Variants in RAF1 observed in about 807,000 individuals in gnomAD.
RAF1 encodes the protein RAF proto-oncogene serine/threonine-protein kinase.
Under a neutral mutation model 81.1 loss-of-function variants are expected in RAF1, and 27 were observed. The ratio of observed to expected loss-of-function variants is 0.33; its 90% CI spans 0.25 to 0.46. RAF1 has a LOEUF of 0.46. RAF1 is among the 20% of genes least tolerant of loss of function. RAF1 has a pLI of 1.00. For missense variants in RAF1, 598 were observed against 826.0 expected, an observed-to-expected ratio of 0.72 and a Z score of 3.38; for synonymous variants, 298 against 294.0, an observed-to-expected ratio of 1.01 and a Z score of -0.14.
intron 1 of RAF1, among the ~76,000 whole-genome samples, chr3:12,620,627 T>C (rs1003201950): frequency 3.3e-5 from 5 of 152,070 alleles, no homozygotes; most frequent in African/African-American, 1.2e-4. Flanking sequence ...TGCATCACCA[T>C]GCCCAGCTAA....
intron 1 of RAF1, among the ~76,000 whole-genome samples, chr3:12,652,215 C>CA (rs2060554437): frequency 6.6e-6 from 1 of 150,906 alleles, no homozygotes; most frequent in East Asian, 2.0e-4. Flanking sequence ...GACTCCATCT[C>CA]AAAAAAACAA....
Position 12,606,278 on chromosome 3 carries a change from A to G in RAF1, c.603T>C (p.Ile201=), listed in dbSNP as rs1179333878. ...GTAGTGCTGGGACTCCACTATCACC[A>G]ATAGTGGAATTTGGAAACAATCTAA... Residue 201 remains isoleucine (I), a synonymous_variant, in exon 6 of 18, where the codon ATT becomes ATC. Transcript: ENST00000442415. The G allele has an allele frequency of 6.2e-6, 10 of 1,611,492 alleles. No individual in the cohort carries two copies. Among genetic ancestry groups the G allele is most frequent in the South Asian group, 1.1e-5 (1 of 91,044 alleles).
rs1553610554 is a variant in RAF1, at chr3:12,587,854, T to TTTTTTTTTTTTTTTG, written c.1431-218_1431-217insCAAAAAAAAAAAAAA. 2.8e-5 allele frequency: 12 copies of TTTTTTTTTTTTTTTG among 432,524 alleles called. 1 individual carries two copies. The highest frequency in any genetic ancestry group is 2.4e-4 in the African/African-American group (11 of 46,012). The allele number at this position is 432,524 out of a possible 1,614,324, so 26.8% of individuals were successfully genotyped here. A position where few individuals can be genotyped will look rare whatever the true frequency, so the allele number is the denominator to read the frequency against. ...GCTTACACCTTTTTTTTTTTTTTTT[T>TTTTTTTTTTTTTTTG]GGAGACTGGAGTGCAGTCAATAGCT... On this transcript the variant is annotated intron_variant, in intron 13 of 17. Coordinates refer to ENST00000442415, the MANE Select transcript of RAF1 (RefSeq NM_001354689.3).
intron 8 of RAF1, among the ~76,000 whole-genome samples, chr3:12,600,671 C>T (rs919009517): frequency 6.6e-6 from 1 of 152,196 alleles, no homozygotes; most frequent in Admixed American, 6.5e-5. Flanking sequence ...AAGCAATTCT[C>T]CTGCCTCAGT....
At chr3:12,630,287 T>C (rs960776515) in intron 1 of RAF1, among the ~76,000 whole-genome samples, 1 of 152,188 alleles carries the variant, frequency 6.6e-6, no homozygotes, top group African/African-American at 2.4e-5. Context: ...ATTGCTTACC[T>C]TTCCCATATA....
At chr3:12,605,697 GAC>G (rs1401932114) in intron 6 of RAF1, among the ~76,000 whole-genome samples, 1 of 152,144 alleles carries the variant, frequency 6.6e-6, no homozygotes, top group African/African-American at 2.4e-5. Context: ...AGTAAAGAAA[GAC>G]AAGTTATATG....
intron 1 of RAF1, among the ~76,000 whole-genome samples, chr3:12,651,521 C>G (rs1313230763): frequency 1.3e-5 from 2 of 151,910 alleles, no homozygotes; most frequent in Non-Finnish European, 2.9e-5. Context: ...ATAGTCCCAG[C>G]TACTCGGGAG....
Position 12,618,655 on chromosome 3 carries a change from C to T in RAF1, c.67G>A (p.Asp23Asn), listed in dbSNP as rs2059451949. The change falls in exon 2 of 18, where the codon GAT becomes AAT. Residue 23 changes from aspartate (D) to asparagine (N), a missense_variant. Asp to Asn is a conservative substitution (Grantham distance 23). Around this residue, in one of 5 missense-constraint regions of RAF1, gnomAD observed 83 missense variants for 72.3 expected, o/e 1.15. Transcript: ENST00000442415. ...GTAGGAGAGATGCAGCTGGAGCCAT[C>T]AAACACGGCATCTTTGAATCCAAAA... 5 of 1,614,092 alleles carry T rather than the reference C, an allele frequency of 3.1e-6. No individual in the cohort carries two copies. The highest frequency in any genetic ancestry group is 4.2e-6 in the Non-Finnish European group (5 of 1,180,058).
Position 12,618,687 on chromosome 3 carries a change from C to T in RAF1, c.35G>A (p.Ser12Asn). 1 of 1,614,202 alleles carries T rather than the reference C, an allele frequency of 6.2e-7. No homozygotes were observed. The highest frequency in any genetic ancestry group is 8.5e-7 in the Non-Finnish European group (1 of 1,180,042). The change falls in exon 2 of 18, where the codon AGC (serine) becomes AAC (asparagine). Residue 12 changes from serine to asparagine, a missense_variant. Coordinates refer to ENST00000442415, the MANE Select transcript of RAF1 (RefSeq NM_001354689.3). The stretch of plus-strand genomic sequence containing the variant: ...GGCATCTTTGAATCCAAAACCATTG[C>T]TGATCGTCTTCCAAGCTCCCTGTAT...
chr3:12,620,995 T>C (rs1243495748), intron 1 of RAF1, among the ~76,000 whole-genome samples: 2 of 151,960 alleles, frequency 1.3e-5, no homozygotes, highest in East Asian at 1.9e-4. Context: ...GGGGGTAGGG[T>C]TTCCTCCTTT....
At chr3:12,662,591 T>G (rs2125597623) in intron 1 of RAF1, among the ~76,000 whole-genome samples, 1 of 152,046 alleles carries the variant, frequency 6.6e-6, no homozygotes, top group South Asian at 2.1e-4. Context: ...TATTTTACTC[T>G]CATCTCTCAC....
intron 1 of RAF1, among the ~76,000 whole-genome samples, chr3:12,654,307 A>C (rs1043476004): frequency 2.6e-5 from 4 of 151,994 alleles, no homozygotes; most frequent in Admixed American, 2.6e-4. Context: ...TTATAGAATA[A>C]AAAAGTATGA....
chr3:12,627,336 C>A (rs2059733618), intron 1 of RAF1, among the ~76,000 whole-genome samples: 1 of 152,188 alleles, frequency 6.6e-6, no homozygotes, highest in African/African-American at 2.4e-5. Flanking sequence ...CTGACTTCCC[C>A]TGGTCACCCC....
At position 12,656,770 on chromosome 3, in the gene RAF1, G is replaced by A. The variant is rs375112034; in HGVS notation, c.-27+7043C>T. 1.2e-4 allele frequency among the ~76,000 whole-genome samples: 19 copies of A among 152,294 alleles called. 2 individuals carry two copies. The highest frequency in any genetic ancestry group is 2.6e-4 in the Admixed American group (4 of 15,292). ...CCAGCATTCTGGGAGGCTGAGACAGGTGGATCATCTGCAGTCAGGAGTTCA... is the reference window on the plus strand; with the variant it reads ...CCAGCATTCTGGGAGGCTGAGACAGATGGATCATCTGCAGTCAGGAGTTCA... On this transcript the variant is annotated intron_variant, in intron 1 of 17. Coordinates refer to ENST00000442415, the MANE Select transcript of RAF1 (RefSeq NM_001354689.3).
At chr3:12,650,239 G>C (rs1482674284) in intron 1 of RAF1, among the ~76,000 whole-genome samples, 1 of 149,384 alleles carries the variant, frequency 6.7e-6, no homozygotes, top group African/African-American at 2.4e-5. Flanking sequence ...TAGAAGGATT[G>C]TCTGAGCCCA....
At position 12,627,226 on chromosome 3, in the gene RAF1, A is replaced by G. The variant is rs148971894; in HGVS notation, c.-26-8479T>C. ...TAATTTATCATGATATCTAAACCAT[A>G]CAAATTATTTCAGAAGCCTACAATT... On this transcript the variant is annotated intron_variant, in intron 1 of 17. Transcript: ENST00000442415. Among the ~76,000 whole-genome samples, 3 of 152,242 alleles carry G rather than the reference A, an allele frequency of 2.0e-5. No homozygotes were observed. The East Asian group carries it at 5.8e-4, about 29-fold the overall frequency.
chr3:12,659,161 A>G (rs1575690187), intron 1 of RAF1, among the ~76,000 whole-genome samples: 1 of 152,038 alleles, frequency 6.6e-6, no homozygotes, highest in Admixed American at 6.6e-5. Context: ...AAGATGCCTG[A>G]GCGAGCCTGT....
chr3:12,609,765 A>T (rs2125422778), intron 3 of RAF1, among the ~76,000 whole-genome samples: 1 of 152,324 alleles, frequency 6.6e-6, no homozygotes, highest in African/African-American at 2.4e-5. Flanking sequence ...ACAGGTGTGA[A>T]CCACCATGTC....
At chr3:12,591,010 G>A in intron 12 of RAF1, 36 bp from the exon 12 acceptor site, 1 of 1,560,582 alleles carries the variant, frequency 6.4e-7, no homozygotes, top group Non-Finnish European at 8.8e-7. Context: ...GAGGGAGGAG[G>A]AAAGTGCTCA....
Sources: gnomAD v4.1 joint callset for allele counts (sites outside exome capture counted in the v4.1 genomes callset) on GRCh38, gnomAD v4.1.1 for gene constraint, gnomAD v4.1.1 regional missense constraint, MANE v1.5 for transcripts, NCBI Gene and HGNC (gene_info 2026-07-23, HGNC 2026-07-21) for gene names.